Variants in KSR2 observed in about 807,000 individuals in gnomAD.
KSR2 encodes kinase suppressor of ras 2.
A neutral mutation model predicts 107.8 loss-of-function variants in KSR2; 25 were observed. The ratio of observed to expected loss-of-function variants is 0.23; its 90% CI spans 0.17 to 0.32. KSR2 has a LOEUF of 0.32. Ranked by LOEUF, KSR2 falls within the 10% of genes least tolerant of loss-of-function variation. The pLI is 1.00. For synonymous variants in KSR2, 480 were observed against 507.0 expected (o/e 0.95, Z 0.71); for missense variants, 887 against 1,268.9 (o/e 0.70, Z 4.57).
intron 14 of KSR2, among the ~76,000 whole-genome samples, chr12:117,495,074 C>T (rs1261596447): frequency 1.3e-5 from 2 of 152,238 alleles, no homozygotes; most frequent in Admixed American, 1.3e-4. Flanking sequence ...CGCTGCCTGG[C>T]TTGAGCTCCC....
intron 9 of KSR2, among the ~76,000 whole-genome samples, chr12:117,546,302 G>C (rs1370093235): frequency 2.6e-5 from 4 of 151,920 alleles, no homozygotes; most frequent in African/African-American, 4.8e-5. Context: ...CTTTCTTCTG[G>C]CCTCCATGGT....
intron 3 of KSR2, among the ~76,000 whole-genome samples, chr12:117,832,688 G>C (rs746301029): frequency 2.0e-5 from 3 of 152,176 alleles, no homozygotes; most frequent in Non-Finnish European, 4.4e-5. Context: ...AGAGAGCAGG[G>C]TGCTCCTTCA....
chr12:117,801,215 C>T (rs931880492), intron 3 of KSR2, among the ~76,000 whole-genome samples: 1 of 151,990 alleles, frequency 6.6e-6, no homozygotes, highest in Admixed American at 6.6e-5. Flanking sequence ...CTCCTGGATT[C>T]AGGTGATTCT....
intron 4 of KSR2, among the ~76,000 whole-genome samples, chr12:117,681,269 C>A (rs1885353440): frequency 6.6e-6 from 1 of 152,108 alleles, no homozygotes; most frequent in South Asian, 2.1e-4. Flanking sequence ...GAACCCATCT[C>A]AAAAATAAAT....
chr12:117,483,821 T>C (rs1872309269), intron 16 of KSR2, among the ~76,000 whole-genome samples: 1 of 152,194 alleles, frequency 6.6e-6, no homozygotes, highest in South Asian at 2.1e-4. Context: ...TTGAGGTGCA[T>C]TGGGCACTGG....
chr12:117,925,475 T>G (rs934953578), intron 1 of KSR2, among the ~76,000 whole-genome samples: 10 of 152,224 alleles, frequency 6.6e-5, no homozygotes, highest in African/African-American at 2.4e-4. Context: ...TTTTAAATAG[T>G]CTCTTACTGA....
At chr12:117,631,043 C>T (rs1012307672) in intron 5 of KSR2, among the ~76,000 whole-genome samples, 1 of 152,142 alleles carries the variant, frequency 6.6e-6, no homozygotes, top group Non-Finnish European at 1.5e-5. Flanking sequence ...GTAAGCCAGG[C>T]GTGCTGGCTC....
chr12:117,861,726 T>G (rs1246639237), intron 1 of KSR2, among the ~76,000 whole-genome samples: 2 of 150,978 alleles, frequency 1.3e-5, no homozygotes, highest in African/African-American at 4.9e-5. Flanking sequence ...AGAGGAAGGG[T>G]GGGGAAAAAG....
intron 4 of KSR2, among the ~76,000 whole-genome samples, chr12:117,709,359 G>T (rs1886658392): frequency 6.6e-6 from 1 of 151,978 alleles, no homozygotes; most frequent in South Asian, 2.1e-4. Flanking sequence ...TCTGAGACAG[G>T]GTCTCACTCC....
intron 5 of KSR2, among the ~76,000 whole-genome samples, chr12:117,602,292 C>G (rs1033711865): frequency 5.9e-5 from 9 of 152,158 alleles, no homozygotes; most frequent in Admixed American, 5.2e-4. Context: ...GCCTTTAACA[C>G]GTTCACAGTG....
chr12:117,610,614 C>T (rs1342923351), intron 5 of KSR2, among the ~76,000 whole-genome samples: 2 of 151,830 alleles, frequency 1.3e-5, no homozygotes, highest in Non-Finnish European at 2.9e-5. Context: ...GTGGCATGTG[C>T]CTGTGTCCCA....
chr12:117,610,967 T>C (rs1881563574), intron 5 of KSR2, among the ~76,000 whole-genome samples: 1 of 152,174 alleles, frequency 6.6e-6, no homozygotes, highest in Non-Finnish European at 1.5e-5. Context: ...AATACATCAA[T>C]GTTGCCAATT....
At chr12:117,910,931 C>T (rs747761250) in intron 1 of KSR2, among the ~76,000 whole-genome samples, 3 of 152,154 alleles carry the variant, frequency 2.0e-5, no homozygotes, top group African/African-American at 7.2e-5. Context: ...GTGTGAAATT[C>T]ACTACTAGAC....
chr12:117,894,663 G>A (rs1894450594), intron 1 of KSR2, among the ~76,000 whole-genome samples: 1 of 151,312 alleles, frequency 6.6e-6, no homozygotes, highest in African/African-American at 2.4e-5. Flanking sequence ...ACAAGACCTG[G>A]TTGTTTGAAA....
intron 3 of KSR2, among the ~76,000 whole-genome samples, chr12:117,830,005 C>T (rs973701442): frequency 4.6e-5 from 7 of 152,148 alleles, no homozygotes; most frequent in Non-Finnish European, 1.0e-4. Flanking sequence ...CAGTGGCTCA[C>T]GTCTGTAATC....
At chr12:117,467,677 G>C in intron 19 of KSR2, 1 of 345,788 alleles carries the variant, frequency 2.9e-6, no homozygotes, top group Non-Finnish European at 5.5e-6. Context: ...CAGGAAGAGG[G>C]GGTGGGACTG....
chr12:117,502,162 A>G (rs1169901679), intron 14 of KSR2, among the ~76,000 whole-genome samples: 1 of 152,222 alleles, frequency 6.6e-6, no homozygotes, highest in Non-Finnish European at 1.5e-5. Flanking sequence ...TGCGTCTGTG[A>G]CTATTTATGC....
At chr12:117,570,625 T>C (rs183716410) in intron 7 of KSR2, among the ~76,000 whole-genome samples, 148 of 152,374 alleles carry the variant, frequency 9.7e-4, no homozygotes, top group African/African-American at 3.5e-3. Flanking sequence ...TTTCTTTTTA[T>C]ACTTTGCATT....
At chr12:117,883,279 CT>C (rs1366345110) in intron 1 of KSR2, among the ~76,000 whole-genome samples, 1 of 152,216 alleles carries the variant, frequency 6.6e-6, no homozygotes, top group Non-Finnish European at 1.5e-5. Flanking sequence ...ATTATAATTA[CT>C]GTTATTAATA....
Sources: allele counts gnomAD v4.1 joint callset (sites outside exome capture counted in the v4.1 genomes callset), GRCh38; gene constraint gnomAD v4.1.1; transcripts MANE v1.5; gene names NCBI Gene and HGNC (gene_info 2026-07-23, HGNC 2026-07-21).